PIGL: variants seen among roughly 807,000 people sequenced by gnomAD.
PIGL encodes N-acetylglucosaminyl-phosphatidylinositol de-N-acetylase.
Under a neutral mutation model 31.1 loss-of-function variants are expected in PIGL, and 22 were observed. The observed-to-expected ratio is 0.71, with a 90% CI of 0.51 to 1.01. PIGL has a LOEUF of 1.01. Ranked by LOEUF, PIGL falls within the 50% of genes least tolerant of loss-of-function variation. PIGL has a pLI of 0.00. For synonymous variants in PIGL, 131 were observed against 117.4 expected (o/e 1.12, Z -0.75); for missense variants, 302 against 315.9 (o/e 0.96, Z 0.33).
chr17:16,236,285 T>C (rs913615771), intron 2 of PIGL, among the ~76,000 whole-genome samples: 3 of 152,234 alleles, frequency 2.0e-5, no homozygotes, highest in Admixed American at 1.3e-4. Context: ...TTTTTATGTA[T>C]TCGGTGTTTC....
chr17:16,284,323 C>T (rs1340197896), intron 2 of PIGL, among the ~76,000 whole-genome samples: 1 of 152,132 alleles, frequency 6.6e-6, no homozygotes. Context: ...AATCCATTCT[C>T]CTCCACCTCC....
intron 2 of PIGL, among the ~76,000 whole-genome samples, chr17:16,282,466 A>G (rs1485761012): frequency 4.6e-5 from 7 of 152,162 alleles, no homozygotes; most frequent in Non-Finnish European, 4.4e-5. Flanking sequence ...AATTTTACAT[A>G]CCCTAAACAC....
intron 2 of PIGL, 45 bp downstream of exon 2, chr17:16,234,115 T>C (rs1476109889): frequency 9.4e-7 from 1 of 1,059,852 alleles, no homozygotes; most frequent in Non-Finnish European, 1.5e-6. Flanking sequence ...GCAATAAATA[T>C]GCAGTGATAT....
chr17:16,317,616 A>C (rs373436992), intron 5 of PIGL, 159 bp from the exon 6 acceptor site: 1 of 1,443,746 alleles, frequency 6.9e-7, no homozygotes, highest in African/African-American at 1.4e-5. Flanking sequence ...TGCAAGAATC[A>C]TGGGCACAGG....
chr17:16,318,030 C>A, intron 6 of PIGL, 122 bp downstream of exon 6: 2 of 784,216 alleles, frequency 2.6e-6, no homozygotes, highest in Non-Finnish European at 4.2e-6. Context: ...CAGCACCTGT[C>A]CCTGAGAATT....
intron 1 of PIGL, among the ~76,000 whole-genome samples, chr17:16,228,416 G>T (rs2092662786): frequency 6.6e-6 from 1 of 151,294 alleles, no homozygotes; most frequent in African/African-American, 2.4e-5. Flanking sequence ...ACGGAGTCTT[G>T]CTCTGTCGCC....
At chr17:16,221,201 A>G (rs568848850) in intron 1 of PIGL, among the ~76,000 whole-genome samples, 60 of 152,310 alleles carry the variant, frequency 3.9e-4, no homozygotes, top group African/African-American at 1.1e-3. Flanking sequence ...TTATGAACCT[A>G]TTGAAAATAA....
intron 2 of PIGL, among the ~76,000 whole-genome samples, chr17:16,290,377 C>A (rs1457128113): frequency 1.3e-5 from 2 of 151,572 alleles, no homozygotes; most frequent in Non-Finnish European, 2.9e-5. Context: ...CCTCATCTCC[C>A]CTTCCTCCAC....
chr17:16,299,847 C>T (rs1234152880), intron 2 of PIGL, 41 bp from the exon 3 acceptor site: 9 of 1,430,094 alleles, frequency 6.3e-6, no homozygotes, highest in Non-Finnish European at 8.9e-6. Flanking sequence ...AAGGTTGTGC[C>T]TGATTAGAAA....
chr17:16,292,352 T>C (rs1295414527), intron 2 of PIGL, among the ~76,000 whole-genome samples: 5 of 151,800 alleles, frequency 3.3e-5, no homozygotes, highest in Admixed American at 3.3e-4. Context: ...ATTGTACTTA[T>C]TAGTTTTTCG....
In PIGL at chr17:16,232,193, G is replaced by A. The variant is rs558189392; in HGVS notation, c.236-1778G>A. Among the ~76,000 whole-genome samples, 38 of 152,134 alleles carry A rather than the reference G, an allele frequency of 2.5e-4. 1 individual carries two copies. Among genetic ancestry groups the A allele is most frequent in the African/African-American group, 7.5e-4 (31 of 41,506 alleles). On this transcript the variant is annotated intron_variant, in intron 1 of 6. Transcript: ENST00000225609. Reference sequence around the variant, plus strand: ...CTTAGGAGGCTGAGGCAAGAGAATCGCTTGCACCTGAGAGGCGGAGGTTGC... The same window carrying A: ...CTTAGGAGGCTGAGGCAAGAGAATCACTTGCACCTGAGAGGCGGAGGTTGC...
intron 1 of PIGL, among the ~76,000 whole-genome samples, chr17:16,220,849 T>C (rs2092625390): frequency 6.6e-6 from 1 of 151,842 alleles, no homozygotes; most frequent in Non-Finnish European, 1.5e-5. Context: ...GCCAAACTGG[T>C]CTCGAACTCC....
chr17:16,282,863 T>C (rs980131450), intron 2 of PIGL, among the ~76,000 whole-genome samples: 1 of 152,094 alleles, frequency 6.6e-6, no homozygotes, highest in Admixed American at 6.5e-5. Flanking sequence ...TAGTAAGCAA[T>C]GTCTACTTCA....
At chr17:16,227,440 A>G (rs2092656999) in intron 1 of PIGL, among the ~76,000 whole-genome samples, 1 of 152,100 alleles carries the variant, frequency 6.6e-6, no homozygotes, top group Non-Finnish European at 1.5e-5. Context: ...GTAAGAGTCG[A>G]TATGAATGCA....
chr17:16,316,589 G>T, intron 4 of PIGL, 92 bp from the exon 5 acceptor site: 1 of 1,268,262 alleles, frequency 7.9e-7, no homozygotes, highest in South Asian at 1.5e-5. Flanking sequence ...AGGGGACCAT[G>T]GGCATGGCAG....
At chr17:16,296,865 C>T (rs1324661551) in intron 2 of PIGL, among the ~76,000 whole-genome samples, 47 of 151,628 alleles carry the variant, frequency 3.1e-4, no homozygotes, top group African/African-American at 1.1e-3. Context: ...TACAGGCGCC[C>T]GCCACCACGC....
intron 2 of PIGL, among the ~76,000 whole-genome samples, chr17:16,288,407 G>A (rs1025381719): frequency 3.3e-5 from 5 of 152,126 alleles, no homozygotes; most frequent in South Asian, 2.1e-4. Context: ...GGGTTTCTCC[G>A]TGTTGGCCAG....
intron 2 of PIGL, among the ~76,000 whole-genome samples, chr17:16,257,416 TA>T (rs35030168): frequency 1.3e-5 from 2 of 150,224 alleles, no homozygotes; most frequent in Non-Finnish European, 3.0e-5. Context: ...AAACTCCATC[TA>T]AAAAAAAAGA....
chr17:16,223,507 G>T (rs570219574), intron 1 of PIGL, among the ~76,000 whole-genome samples: 4 of 152,218 alleles, frequency 2.6e-5, no homozygotes, highest in South Asian at 2.1e-4. Context: ...AACCCAGGAG[G>T]TGGAGGTTGC....
Sources: gnomAD v4.1 joint callset for allele counts (sites outside exome capture counted in the v4.1 genomes callset) on GRCh38, gnomAD v4.1.1 for gene constraint, MANE v1.5 for transcripts, NCBI Gene and HGNC (gene_info 2026-07-23, HGNC 2026-07-21) for gene names.